The following STXBP5L variants were observed in gnomAD, a reference collection of about 807,000 sequenced individuals.
STXBP5L encodes syntaxin-binding protein 5-like.
STXBP5L carries 65 observed loss-of-function variants against 144.5 expected under a neutral mutation model. That is an observed-to-expected ratio of 0.45 (90% CI 0.37 to 0.55). The LOEUF (loss-of-function observed/expected upper bound fraction) is 0.55, where lower values mean the gene tolerates loss of function less well. STXBP5L is among the 20% of genes least tolerant of loss of function. The probability of loss-of-function intolerance (pLI) is 0.00; values close to 1 mark genes in which losing one functional copy is unlikely to be tolerated. For missense variants in STXBP5L, 1,298 were observed against 1,405.5 expected (o/e 0.92, Z 1.22); for synonymous variants, 505 against 469.6 (o/e 1.08, Z -0.97).
rs1367940457 is a variant in STXBP5L, at chr3:121,233,659, T to A, written c.1155T>A (p.Asp385Glu). The A allele has an allele frequency of 6.2e-7, 1 of 1,612,542 alleles. No individual in the cohort carries two copies. The highest frequency in any genetic ancestry group is 1.3e-5 in the African/African-American group (1 of 74,882). The part of the protein sequence containing the change: ...PYAVVVLLEK[D>E]LIVVDLTQSN... ...CTGTCGTGGTACTTCTGGAGAAAGA[T>A]CTCATTGTAGTTGATCTGACACAAA... Residue 385 changes from aspartate to glutamate, a missense_variant, in exon 12 of 27, where the codon GAT becomes GAA. Asp to Glu is a conservative substitution (Grantham distance 45). Coordinates refer to ENST00000471454, the MANE Select transcript of STXBP5L (RefSeq NM_001308330.2).
chr3:121,236,059 A>G (rs1441498268), intron 12 of STXBP5L, among the ~76,000 whole-genome samples: 2 of 152,274 alleles, frequency 1.3e-5, no homozygotes, highest in East Asian at 3.9e-4. Flanking sequence ...CCTTGTACAT[A>G]TGATGTTCTA....
chr3:121,122,995 G>A (rs967433730), intron 7 of STXBP5L, among the ~76,000 whole-genome samples: 1 of 151,310 alleles, frequency 6.6e-6, no homozygotes, highest in African/African-American at 2.4e-5. Context: ...TCAGAAAATA[G>A]CAATATAAAC....
At chr3:121,083,042 A>T (rs1363404178) in intron 5 of STXBP5L, among the ~76,000 whole-genome samples, 1 of 152,032 alleles carries the variant, frequency 6.6e-6, no homozygotes, top group African/African-American at 2.4e-5. Flanking sequence ...CTAAAAAGAA[A>T]TACAAAAATT....
intron 3 of STXBP5L, among the ~76,000 whole-genome samples, chr3:120,996,134 A>G (rs1943328166): frequency 6.6e-6 from 1 of 151,938 alleles, no homozygotes; most frequent in Non-Finnish European, 1.5e-5. Context: ...ATTCATTTTT[A>G]TTTGTAATAC....
intron 9 of STXBP5L, among the ~76,000 whole-genome samples, chr3:121,170,138 T>G (rs1385129405): frequency 1.3e-5 from 2 of 152,164 alleles, no homozygotes; most frequent in Non-Finnish European, 2.9e-5. Context: ...ATAAGTTATT[T>G]GAAACCAATG....
At chr3:121,113,115 C>A (rs1286258264) in intron 5 of STXBP5L, among the ~76,000 whole-genome samples, 1 of 152,090 alleles carries the variant, frequency 6.6e-6, no homozygotes, top group Non-Finnish European at 1.5e-5. Context: ...GTTACTAGTT[C>A]AAGGAATAGT....
At chr3:121,325,441 C>T (rs928070993) in intron 20 of STXBP5L, among the ~76,000 whole-genome samples, 2 of 151,592 alleles carry the variant, frequency 1.3e-5, no homozygotes, top group African/African-American at 4.8e-5. Flanking sequence ...TTGTTTTTTC[C>T]CTAGTGTTCG....
At position 121,039,154 on chromosome 3, in the gene STXBP5L, T is replaced by A. The variant is rs572926956; in HGVS notation, c.288-2546T>A. 4.4e-4 allele frequency among the ~76,000 whole-genome samples: 67 copies of A among 151,332 alleles called. No homozygotes were observed. The South Asian group carries it at 0.014, about 31-fold the overall frequency. On this transcript the variant is annotated intron_variant, in intron 3 of 26. Transcript: ENST00000471454. ...TACCATCTTGCTCTTTGTTTTCTAT[T>A]TATCTTACTAGTTCTTAGCTCCCCC... is the stretch of plus-strand genomic sequence containing the variant.
At chr3:121,410,219 G>T (rs538400863) in intron 23 of STXBP5L, among the ~76,000 whole-genome samples, 83 of 151,960 alleles carry the variant, frequency 5.5e-4, no homozygotes, top group Middle Eastern at 3.4e-3. Flanking sequence ...GTGTGTAAAT[G>T]TGTGTATCTC....
intron 9 of STXBP5L, among the ~76,000 whole-genome samples, chr3:121,185,264 G>C (rs1577145443): frequency 6.6e-6 from 1 of 152,184 alleles, no homozygotes; most frequent in African/African-American, 2.4e-5. Flanking sequence ...TCACTCTGAT[G>C]GTAGTTTCTT....
intron 3 of STXBP5L, among the ~76,000 whole-genome samples, chr3:120,961,039 T>A (rs1938732708): frequency 6.6e-6 from 1 of 152,186 alleles, no homozygotes; most frequent in Non-Finnish European, 1.5e-5. Context: ...TTTCTTCATA[T>A]TTCAATCTTG....
chr3:120,937,741 C>T (rs1710341980), intron 2 of STXBP5L, among the ~76,000 whole-genome samples: 1 of 151,958 alleles, frequency 6.6e-6, no homozygotes, highest in Non-Finnish European at 1.5e-5. Flanking sequence ...AAAAAACAAA[C>T]AAACAAAAAA....
intron 9 of STXBP5L, among the ~76,000 whole-genome samples, chr3:121,190,315 C>T (rs2047590954): frequency 6.6e-6 from 1 of 152,146 alleles, no homozygotes; most frequent in Non-Finnish European, 1.5e-5. Flanking sequence ...TTGCACCGCC[C>T]TTAATCCATT....
At chr3:121,271,599 T>C (rs1294924779) in intron 18 of STXBP5L, among the ~76,000 whole-genome samples, 3 of 152,192 alleles carry the variant, frequency 2.0e-5, no homozygotes, top group African/African-American at 7.2e-5. Context: ...TGAGATACAA[T>C]TTTAAAGGAT....
chr3:121,083,610 C>A (rs2042350109), intron 5 of STXBP5L, among the ~76,000 whole-genome samples: 1 of 151,946 alleles, frequency 6.6e-6, no homozygotes, highest in African/African-American at 2.4e-5. Flanking sequence ...TTGCAGTGAG[C>A]CAAGATTGCA....
At chr3:121,375,854 A>G (rs1190623909) in intron 20 of STXBP5L, among the ~76,000 whole-genome samples, 1 of 152,178 alleles carries the variant, frequency 6.6e-6, no homozygotes, top group East Asian at 1.9e-4. Flanking sequence ...GTGGCACTCT[A>G]TCTTCATTTG....
At chr3:121,255,215 A>G in intron 16 of STXBP5L, 103 bp downstream of exon 16, 1 of 752,688 alleles carries the variant, frequency 1.3e-6, no homozygotes, top group Non-Finnish European at 2.1e-6. Context: ...AGTGTGCAGT[A>G]TGTGGCTAGT....
chr3:121,025,953 CAT>C (rs1218064709), intron 3 of STXBP5L, among the ~76,000 whole-genome samples: 3 of 139,616 alleles, frequency 2.1e-5, no homozygotes, highest in African/African-American at 7.8e-5. Context: ...ATCAATATAT[CAT>C]AATGTATAAT....
chr3:121,394,608 T>G (rs1430062338), intron 22 of STXBP5L, among the ~76,000 whole-genome samples: 3 of 141,446 alleles, frequency 2.1e-5, no homozygotes, highest in South Asian at 2.3e-4. Context: ...GAGGGTTTTT[T>G]TTTTTTTTTT....
Sources: gnomAD v4.1 joint callset for allele counts (sites outside exome capture counted in the v4.1 genomes callset) on GRCh38, gnomAD v4.1.1 for gene constraint, MANE v1.5 for transcripts, NCBI Gene and HGNC (gene_info 2026-07-23, HGNC 2026-07-21) for gene names.